The following BRAF variants were observed in gnomAD, a reference collection of about 807,000 sequenced individuals.
The protein encoded by BRAF is B-Raf proto-oncogene, serine/threonine kinase, also known as serine/threonine-protein kinase B-raf.
A neutral mutation model predicts 104.6 loss-of-function variants in BRAF; 16 were observed. The observed-to-expected ratio is 0.15, with a 90% CI of 0.10 to 0.23. The LOEUF (loss-of-function observed/expected upper bound fraction) is 0.23, where lower values mean the gene tolerates loss of function less well. Among genes scored for constraint, BRAF ranks in the 10% least tolerant of loss-of-function variants. The pLI, the probability that BRAF is intolerant of heterozygous loss-of-function variation, is 1.00. For synonymous variants in BRAF, 310 were observed against 341.6 expected, an observed-to-expected ratio of 0.91 and a Z score of 1.02; for missense variants, 541 against 937.3, an observed-to-expected ratio of 0.58 and a Z score of 5.52.
intron 2 of BRAF, among the ~76,000 whole-genome samples, chr7:140,846,136 G>C (rs1214969174): frequency 1.3e-5 from 2 of 152,136 alleles, no homozygotes; most frequent in Non-Finnish European, 2.9e-5. Context: ...ATCACCATGT[G>C]ATCCTGCAAT....
intron 1 of BRAF, among the ~76,000 whole-genome samples, chr7:140,898,667 TAA>T (rs905855602): frequency 9.8e-5 from 15 of 152,324 alleles, no homozygotes; most frequent in African/African-American, 2.2e-4. Context: ...CCAATTATCT[TAA>T]AAGTCTCCCA....
At chr7:140,896,993 T>C (rs909483894) in intron 1 of BRAF, among the ~76,000 whole-genome samples, 1 of 151,284 alleles carries the variant, frequency 6.6e-6, no homozygotes, top group Non-Finnish European at 1.5e-5. Context: ...TACATTAACA[T>C]ATAAACTTAA....
At chr7:140,915,945 G>A (rs534409357) in intron 1 of BRAF, among the ~76,000 whole-genome samples, 2 of 151,912 alleles carry the variant, frequency 1.3e-5, no homozygotes, top group East Asian at 3.9e-4. Flanking sequence ...CCAGGATTTC[G>A]AGACTAGCCT....
chr7:140,830,212 G>T (rs1164284782), intron 3 of BRAF, among the ~76,000 whole-genome samples: 1 of 152,042 alleles, frequency 6.6e-6, no homozygotes, highest in Non-Finnish European at 1.5e-5. Flanking sequence ...TTCTTTTCTT[G>T]AGTTTTCTCT....
intron 1 of BRAF, among the ~76,000 whole-genome samples, chr7:140,903,175 C>T (rs1023815758): frequency 6.6e-6 from 1 of 152,112 alleles, no homozygotes; most frequent in East Asian, 1.9e-4. Flanking sequence ...ATCCGCCCAC[C>T]TCGGCCTCCC....
At chr7:140,768,429 T>C (rs1586086927) in intron 14 of BRAF, among the ~76,000 whole-genome samples, 1 of 152,142 alleles carries the variant, frequency 6.6e-6, no homozygotes, top group East Asian at 1.9e-4. Flanking sequence ...TGAGAGTTGG[T>C]GGGACCTTTA....
At chr7:140,838,767 A>G (rs1807617184) in intron 2 of BRAF, among the ~76,000 whole-genome samples, 1 of 152,244 alleles carries the variant, frequency 6.6e-6, no homozygotes, top group South Asian at 2.1e-4. Context: ...AAGAACACAC[A>G]TATAGAACAG....
At chr7:140,888,830 C>T (rs1279089661) in intron 1 of BRAF, among the ~76,000 whole-genome samples, 1 of 147,324 alleles carries the variant, frequency 6.8e-6, no homozygotes, top group African/African-American at 2.7e-5. Context: ...AGCAAAACTC[C>T]GTCTTAAAAA....
chr7:140,873,091 C>T (rs1811795269), intron 1 of BRAF, among the ~76,000 whole-genome samples: 1 of 151,646 alleles, frequency 6.6e-6, no homozygotes, highest in South Asian at 2.1e-4. Flanking sequence ...CTGGACAAAA[C>T]CGTCAAAACA....
At position 140,734,764 on chromosome 7, in the gene BRAF, C is replaced by T. The variant is rs1481562268; in HGVS notation, c.2254G>A (p.Ala752Thr). The change falls in exon 19 of 20, where the codon GCC (alanine) becomes ACC (threonine). Residue 752 changes from alanine to threonine, a missense_variant. This residue lies in a region of BRAF where 129 missense variants were observed against 285.8 expected (regional missense o/e 0.45). Transcript: ENST00000644969. ...DERPLFPQIL[A>T]SIELLARSLP... ...GAGCGGGCCAGCAGCTCAATAGAGGCGAGAATCTACAAAAAAAAAAAGAAA... is the reference window on the plus strand; with the variant it reads ...GAGCGGGCCAGCAGCTCAATAGAGGTGAGAATCTACAAAAAAAAAAAGAAA... 3.9e-6 allele frequency: 5 copies of T among 1,293,296 alleles called. No homozygotes were observed. Among genetic ancestry groups the T allele is most frequent in the Non-Finnish European group, 3.9e-6 (4 of 1,017,078 alleles). 80.1% of individuals were successfully genotyped at this position (1,293,296 alleles called of 1,614,324 possible).
At chr7:140,908,989 CTTTTTTTT>C (rs1224922004) in intron 1 of BRAF, among the ~76,000 whole-genome samples, 1 of 120,186 alleles carries the variant, frequency 8.3e-6, no homozygotes, top group Non-Finnish European at 1.8e-5. Context: ...TCTACGTTTT[CTTTTTTTT>C]TTTTTTTTTT....
chr7:140,912,313 A>G (rs918236615), intron 1 of BRAF, among the ~76,000 whole-genome samples: 1 of 152,236 alleles, frequency 6.6e-6, no homozygotes, highest in Non-Finnish European at 1.5e-5. Context: ...ACTGCAACAG[A>G]ACGTGTACAG....
intron 1 of BRAF, among the ~76,000 whole-genome samples, chr7:140,860,173 C>A (rs766814606): frequency 1.2e-4 from 18 of 152,112 alleles, no homozygotes; most frequent in Admixed American, 9.2e-4. Flanking sequence ...TTTATTTACA[C>A]AGCATATGGT....
chr7:140,733,401 G>A (rs1274173673), intron 19 of BRAF: 1 of 152,210 alleles, frequency 6.6e-6, no homozygotes. Flanking sequence ...GGCTGACAGT[G>A]AAGCAGAGAT....
intron 1 of BRAF, among the ~76,000 whole-genome samples, chr7:140,899,437 T>C (rs1815348362): frequency 6.6e-6 from 1 of 152,092 alleles, no homozygotes; most frequent in Admixed American, 6.6e-5. Flanking sequence ...TCCAAAGGAT[T>C]TTTCCCCCCA....
rs71645984 is a variant in BRAF at position 140,777,205 on chromosome 7, T to A, written c.1638-117A>T. ...TTGTCAGAAAAAGCTTTTTTTTTTT[T>A]AAAAAAGGCAACAAAAGGATACATT... On this transcript the variant is annotated intron_variant, in intron 13 of 19. Transcript: ENST00000644969. 6.5e-3 allele frequency: 6,084 copies of A among 929,592 alleles called. 62 individuals are homozygous for A. Among genetic ancestry groups the A allele is most frequent in the South Asian group, 0.035 (2,184 of 61,738 alleles). The allele number at this position is 929,592 out of a possible 1,614,324, so 57.6% of individuals were successfully genotyped here. A position where few individuals can be genotyped will look rare whatever the true frequency, so the allele number is the denominator to read the frequency against.
chr7:140,888,894 G>C (rs1315396572), intron 1 of BRAF, among the ~76,000 whole-genome samples: 1 of 151,772 alleles, frequency 6.6e-6, no homozygotes, highest in East Asian at 1.9e-4. Context: ...TGCCCCTCAA[G>C]ACATTTGGAA....
chr7:140,814,315 T>C lies in BRAF; in HGVS notation c.505-5320A>G, dbSNP rs552446131. ...TTTTAAAGTGAACTGAAATTATCTT[T>C]TGTTAATGAGCTCACAATGATTCAT... On this transcript the variant is annotated intron_variant, in intron 3 of 19. Transcript: ENST00000644969. 2.0e-5 allele frequency among the ~76,000 whole-genome samples: 3 copies of C among 152,332 alleles called. No homozygotes were observed. The East Asian group carries it at 5.8e-4, about 29-fold the overall frequency.
At chr7:140,866,442 C>A (rs1438910504) in intron 1 of BRAF, among the ~76,000 whole-genome samples, 1 of 152,178 alleles carries the variant, frequency 6.6e-6, no homozygotes, top group African/African-American at 2.4e-5. Context: ...TAGGACTGTG[C>A]GCTCTGTGAA....
Sources: gnomAD v4.1 joint callset for allele counts (sites outside exome capture counted in the v4.1 genomes callset) on GRCh38, gnomAD v4.1.1 for gene constraint, gnomAD v4.1.1 regional missense constraint, MANE v1.5 for transcripts, NCBI Gene and HGNC (gene_info 2026-07-23, HGNC 2026-07-21) for gene names.